SRRM4: variants seen among roughly 807,000 people sequenced by gnomAD.
The protein encoded by SRRM4 is serine/arginine repetitive matrix 4.
Under a neutral mutation model 68.9 loss-of-function variants are expected in SRRM4, and 33 were observed. The ratio of observed to expected loss-of-function variants is 0.48; its 90% CI spans 0.36 to 0.64. The LOEUF (loss-of-function observed/expected upper bound fraction) is 0.64. Ranked by LOEUF, SRRM4 falls within the 30% of genes least tolerant of loss-of-function variation. SRRM4 has a pLI of 0.00. For synonymous variants in SRRM4, 318 were observed against 318.8 expected (o/e 1.00, Z 0.03); for missense variants, 817 against 827.1 (o/e 0.99, Z 0.15).
At chr12:119,084,790 C>G (rs1277342095) in intron 1 of SRRM4, among the ~76,000 whole-genome samples, 1 of 152,132 alleles carries the variant, frequency 6.6e-6, no homozygotes, top group Non-Finnish European at 1.5e-5. Context: ...GCTGAATAGT[C>G]AGGGGAGGCT....
At chr12:118,984,131 T>C (rs1399154992) in intron 1 of SRRM4, among the ~76,000 whole-genome samples, 2 of 152,202 alleles carry the variant, frequency 1.3e-5, no homozygotes, top group African/African-American at 4.8e-5. Flanking sequence ...AAGGGAACAT[T>C]TGTTTCCAAG....
At chr12:119,071,196 C>T (rs1953875938) in intron 1 of SRRM4, among the ~76,000 whole-genome samples, 4 of 152,150 alleles carry the variant, frequency 2.6e-5, no homozygotes, top group Admixed American at 2.6e-4. Flanking sequence ...CCATCACAAC[C>T]AAACATTGAA....
intron 1 of SRRM4, among the ~76,000 whole-genome samples, chr12:118,988,829 G>T (rs964421557): frequency 1.3e-5 from 2 of 152,170 alleles, no homozygotes; most frequent in African/African-American, 4.8e-5. Context: ...TAAAGCCAAG[G>T]AAAGGAATAG....
intron 8 of SRRM4, among the ~76,000 whole-genome samples, chr12:119,137,587 GGAGAGAGAGAGAGAGAGAGAGAGAGAGA>G (rs55883419): frequency 8.4e-6 from 1 of 119,152 alleles, no homozygotes; most frequent in South Asian, 3.0e-4. Context: ...GGTTTGGAGT[GGAGAGAGAGAGAGAGAGAGAGAGAGAGA>G]GAGAGAGAGA....
intron 12 of SRRM4, among the ~76,000 whole-genome samples, chr12:119,155,557 A>C (rs1954466353): frequency 6.6e-6 from 1 of 152,158 alleles, no homozygotes; most frequent in Non-Finnish European, 1.5e-5. Flanking sequence ...ATATGACAAG[A>C]CCCTGTCTCT....
intron 1 of SRRM4, among the ~76,000 whole-genome samples, chr12:119,095,663 A>C (rs972719116): frequency 6.6e-6 from 1 of 152,162 alleles, no homozygotes; most frequent in African/African-American, 2.4e-5. Context: ...TTTGTGGAAT[A>C]TAAGATTCAG....
At chr12:119,111,111 C>T (rs1175618069) in intron 2 of SRRM4, among the ~76,000 whole-genome samples, 1 of 152,192 alleles carries the variant, frequency 6.6e-6, no homozygotes, top group Non-Finnish European at 1.5e-5. Flanking sequence ...CACATGTAAC[C>T]ACTGCATACT....
intron 1 of SRRM4, among the ~76,000 whole-genome samples, chr12:119,037,718 C>T (rs1036793620): frequency 2.6e-5 from 4 of 152,070 alleles, no homozygotes; most frequent in Admixed American, 6.5e-5. Context: ...GCTGAACATT[C>T]GCCGAAGAGA....
chr12:119,145,736 AC>A, intron 9 of SRRM4, 51 bp downstream of exon 9: 1 of 1,405,504 alleles, frequency 7.1e-7, no homozygotes. Context: ...CCTTAGCTCC[AC>A]CTTCTCATGC....
intron 7 of SRRM4, among the ~76,000 whole-genome samples, chr12:119,126,267 A>C (rs1346245310): frequency 2.0e-5 from 3 of 151,906 alleles, no homozygotes; most frequent in African/African-American, 7.2e-5. Context: ...CAAGTGATCC[A>C]ACCGTCTCGG....
chr12:119,130,126 TGGATGAGTGGATGAAC>T (rs1954286292), intron 7 of SRRM4, among the ~76,000 whole-genome samples: 1 of 151,778 alleles, frequency 6.6e-6, no homozygotes, highest in Non-Finnish European at 1.5e-5. Context: ...GATGGATGGA[TGGATGAGTGGATGAAC>T]GGATGGATGG....
At chr12:119,100,317 C>A (rs1278015705) in intron 1 of SRRM4, among the ~76,000 whole-genome samples, 9 of 63,850 alleles carry the variant, frequency 1.4e-4, no homozygotes, top group Non-Finnish European at 2.0e-4. Flanking sequence ...ACAGTGGGAC[C>A]CTGTCTCTAC....
intron 1 of SRRM4, among the ~76,000 whole-genome samples, chr12:119,044,955 C>T (rs1489602371): frequency 1.3e-5 from 2 of 152,186 alleles, no homozygotes; most frequent in Non-Finnish European, 1.5e-5. Context: ...AAGTTAATTA[C>T]TTTGCTGTGC....
intron 1 of SRRM4, among the ~76,000 whole-genome samples, chr12:119,008,895 A>C (rs1014884460): frequency 6.6e-6 from 1 of 151,726 alleles, no homozygotes; most frequent in African/African-American, 2.4e-5. Flanking sequence ...CTGCTTGGTG[A>C]GAGGAGGAGG....
intron 1 of SRRM4, chr12:119,001,715 G>A (rs1341745531): frequency 3.3e-5 from 5 of 152,188 alleles, no homozygotes. Flanking sequence ...GGGAGTGGTG[G>A]CTTCTGCCTG....
At chr12:119,074,934 A>G (rs996147099) in intron 1 of SRRM4, among the ~76,000 whole-genome samples, 1 of 152,224 alleles carries the variant, frequency 6.6e-6, no homozygotes, top group African/African-American at 2.4e-5. Flanking sequence ...TTGGTGAGAA[A>G]AATGAATTCC....
chr12:119,085,886 C>A (rs1953977032), intron 1 of SRRM4, among the ~76,000 whole-genome samples: 1 of 152,026 alleles, frequency 6.6e-6, no homozygotes, highest in African/African-American at 2.4e-5. Flanking sequence ...GGCCAGGCTG[C>A]TGCTTGGATG....
At chr12:119,019,682 C>T (rs1253853259) in intron 1 of SRRM4, among the ~76,000 whole-genome samples, 6 of 152,146 alleles carry the variant, frequency 3.9e-5, no homozygotes, top group Admixed American at 3.3e-4. Flanking sequence ...CTGCCACGGG[C>T]TCCCTGGGAT....
intron 1 of SRRM4, among the ~76,000 whole-genome samples, chr12:119,021,999 G>A (rs1953519259): frequency 6.6e-6 from 1 of 151,976 alleles, no homozygotes; most frequent in South Asian, 2.1e-4. Flanking sequence ...CTTGACACAG[G>A]GAGGGGAACA....
Sources: gnomAD v4.1 joint callset for allele counts (sites outside exome capture counted in the v4.1 genomes callset) on GRCh38, gnomAD v4.1.1 for gene constraint, MANE v1.5 for transcripts, NCBI Gene and HGNC (gene_info 2026-07-23, HGNC 2026-07-21) for gene names.